The following RIPOR2 variants were observed in gnomAD, a reference collection of about 807,000 sequenced individuals.
RIPOR2 encodes the protein rho family-interacting cell polarization regulator 2.
Under a neutral mutation model 114.5 loss-of-function variants are expected in RIPOR2, and 39 were observed. That is an observed-to-expected ratio of 0.34 (90% CI 0.26 to 0.44). The LOEUF (loss-of-function observed/expected upper bound fraction) is 0.44. RIPOR2 is among the 20% of genes least tolerant of loss of function. The pLI, the probability that RIPOR2 is intolerant of heterozygous loss-of-function variation, is 1.00. For synonymous variants in RIPOR2, 445 were observed against 484.4 expected, an observed-to-expected ratio of 0.92 and a Z score of 1.07; for missense variants, 1,007 against 1,255.1, an observed-to-expected ratio of 0.80 and a Z score of 2.99.
chr6:24,925,382 C>G (rs977534856), intron 1 of RIPOR2, among the ~76,000 whole-genome samples: 2 of 152,144 alleles, frequency 1.3e-5, no homozygotes, highest in Non-Finnish European at 2.9e-5. Context: ...TCTGACCCAC[C>G]ATCAGTTGCC....
chr6:24,879,765 A>T (rs2817715), intron 1 of RIPOR2, among the ~76,000 whole-genome samples: 105,693 of 152,056 alleles, frequency 0.7, 37,695 homozygotes, highest in African/African-American at 0.86. Context: ...GTAACTGATC[A>T]TGCACCTCTT....
chr6:25,041,910 C>T (rs923911635), exon 1 of RIPOR2: 9 of 702,744 alleles, frequency 1.3e-5, no homozygotes, highest in Middle Eastern at 4.6e-4. Context: ...CCAGTGTAAT[C>T]GCGAAGGTAA....
At chr6:25,000,480 G>A (rs1775254215) in intron 1 of RIPOR2, among the ~76,000 whole-genome samples, 1 of 152,146 alleles carries the variant, frequency 6.6e-6, no homozygotes, top group African/African-American at 2.4e-5. Flanking sequence ...AAATGAATAA[G>A]TGAACTCATG....
At chr6:24,833,765 C>T (rs1760873777) in intron 15 of RIPOR2, among the ~76,000 whole-genome samples, 1 of 151,948 alleles carries the variant, frequency 6.6e-6, no homozygotes, top group Non-Finnish European at 1.5e-5. Context: ...TCTTTGTATC[C>T]ACCTCTTCTG....
At chr6:25,012,918 A>AG (rs1775830182) in intron 1 of RIPOR2, among the ~76,000 whole-genome samples, 1 of 152,114 alleles carries the variant, frequency 6.6e-6, no homozygotes, top group Non-Finnish European at 1.5e-5. Context: ...TTAAAAAAAA[A>AG]CAGATTGCAC....
At chr6:24,999,700 C>T (rs1358550931) in intron 1 of RIPOR2, among the ~76,000 whole-genome samples, 1 of 151,992 alleles carries the variant, frequency 6.6e-6, no homozygotes, top group African/African-American at 2.4e-5. Flanking sequence ...GGACTACAGG[C>T]GCCCACCACC....
chr6:24,902,357 G>A (rs1008443511), intron 1 of RIPOR2, among the ~76,000 whole-genome samples: 5 of 151,964 alleles, frequency 3.3e-5, no homozygotes, highest in Non-Finnish European at 5.9e-5. Context: ...TGGGATTACA[G>A]GCACCCGCCA....
At chr6:24,889,695 G>A (rs1269780698) in intron 1 of RIPOR2, among the ~76,000 whole-genome samples, 3 of 151,850 alleles carry the variant, frequency 2.0e-5, no homozygotes, top group Non-Finnish European at 4.4e-5. Context: ...CTATACATAG[G>A]GAGATGTTTT....
chr6:24,969,668 C>G (rs1241916622), intron 1 of RIPOR2, among the ~76,000 whole-genome samples: 1 of 152,112 alleles, frequency 6.6e-6, no homozygotes, highest in Non-Finnish European at 1.5e-5. Flanking sequence ...TGATAAGGCT[C>G]TTTTTGATTG....
At chr6:24,915,741 T>G (rs1055865144) in intron 1 of RIPOR2, among the ~76,000 whole-genome samples, 3 of 152,146 alleles carry the variant, frequency 2.0e-5, no homozygotes, top group Non-Finnish European at 2.9e-5. Flanking sequence ...ACATGCAGAT[T>G]TTTAGGTCCC....
At chr6:24,823,210 A>G (rs535331446) in intron 19 of RIPOR2, among the ~76,000 whole-genome samples, 15 of 152,318 alleles carry the variant, frequency 9.8e-5, no homozygotes, top group South Asian at 4.1e-4. Context: ...GTGTTGCTTT[A>G]GTGCTTTGCA....
intron 1 of RIPOR2, among the ~76,000 whole-genome samples, chr6:25,025,171 G>A (rs1054619630): frequency 2.0e-5 from 3 of 152,146 alleles, no homozygotes; most frequent in Non-Finnish European, 2.9e-5. Flanking sequence ...TCTGTCTCAC[G>A]CCTGCTCCCA....
rs41271805 is a variant in RIPOR2 at position 24,849,719 on chromosome 6, C to T, written c.1034+83G>A. On this transcript the variant is annotated intron_variant, in intron 11 of 21. Transcript: ENST00000643898. ...TTTCATAACAAGCTCCCTGGTGATGCGGATGGTCCATGCACCAGCTTTGAG... is the reference window on the plus strand; with the variant it reads ...TTTCATAACAAGCTCCCTGGTGATGTGGATGGTCCATGCACCAGCTTTGAG... 0.065 allele frequency: 78,778 copies of T among 1,220,568 alleles called. 2,941 individuals are homozygous for T. Among genetic ancestry groups the T allele is most frequent in the Non-Finnish European group, 0.077 (65,714 of 853,000 alleles). 75.6% of individuals were successfully genotyped at this position (1,220,568 alleles called of 1,614,324 possible).
rs1336834841 is a variant in RIPOR2 at position 24,941,444 on chromosome 6, G to A, written c.77-65627C>T. Among the ~76,000 whole-genome samples the A allele has an allele frequency of 2.6e-5, 4 of 151,872 alleles. No individual in the cohort carries two copies. The South Asian group carries it at 8.3e-4, about 32-fold the overall frequency. The stretch of plus-strand genomic sequence containing the variant: ...AGGGCTGAGTTACAATCTTGGCTTC[G>A]TTACTATCTAGCTCTTTGACTAGAG... On this transcript the variant is annotated intron_variant, in intron 1 of 13. Coordinates refer to the RIPOR2 transcript ENST00000510784.
chr6:25,017,119 C>A (rs1776044883), intron 1 of RIPOR2, among the ~76,000 whole-genome samples: 1 of 152,324 alleles, frequency 6.6e-6, no homozygotes, highest in East Asian at 1.9e-4. Context: ...ACGGGTGGAT[C>A]ACCTGAGGTC....
intron 1 of RIPOR2, among the ~76,000 whole-genome samples, chr6:25,013,022 G>A (rs1775835083): frequency 1.2e-5 from 1 of 84,784 alleles, no homozygotes. Flanking sequence ...TCCATCTCTG[G>A]GTTTTTTTTT....
At chr6:24,843,857 G>C (rs951218408) in intron 12 of RIPOR2, among the ~76,000 whole-genome samples, 9 of 152,082 alleles carry the variant, frequency 5.9e-5, no homozygotes, top group African/African-American at 1.9e-4. Flanking sequence ...GGTTGCATGG[G>C]GGGAGGGGGC....
At chr6:25,030,044 T>C (rs1561854172) in intron 1 of RIPOR2, among the ~76,000 whole-genome samples, 1 of 152,088 alleles carries the variant, frequency 6.6e-6, no homozygotes, top group Non-Finnish European at 1.5e-5. Flanking sequence ...GGTCTTAGCA[T>C]GACAGGACCG....
intron 8 of RIPOR2, 103 bp downstream of exon 8, chr6:24,860,870 G>A (rs368298602): frequency 4.6e-5 from 34 of 731,260 alleles, no homozygotes; most frequent in African/African-American, 3.9e-4. Context: ...GTGGCGCTGC[G>A]TCTTTGCAAG....
Sources: gnomAD v4.1 joint callset for allele counts (sites outside exome capture counted in the v4.1 genomes callset) on GRCh38, gnomAD v4.1.1 for gene constraint, MANE v1.5 for transcripts, NCBI Gene and HGNC (gene_info 2026-07-23, HGNC 2026-07-21) for gene names.